The following MYO5B variants were observed in gnomAD, a reference collection of about 807,000 sequenced individuals.
MYO5B encodes myosin VB.
MYO5B carries 143 observed loss-of-function variants against 229.3 expected under a neutral mutation model. The observed-to-expected ratio is 0.62, with a 90% CI of 0.54 to 0.72. MYO5B has a LOEUF of 0.72. Ranked by LOEUF, MYO5B falls within the 30% of genes least tolerant of loss-of-function variation. MYO5B has a pLI of 0.00. For missense variants in MYO5B, 2,321 were observed against 2,331.0 expected, an observed-to-expected ratio of 1.00 and a Z score of 0.09; for synonymous variants, 918 against 885.2, an observed-to-expected ratio of 1.04 and a Z score of -0.66.
intron 2 of MYO5B, among the ~76,000 whole-genome samples, chr18:50,042,993 A>T (rs1297055562): frequency 6.6e-6 from 1 of 152,088 alleles, no homozygotes; most frequent in Non-Finnish European, 1.5e-5. Context: ...AAGGATGTAA[A>T]CTAATACAAC....
chr18:49,963,121 C>G, intron 10 of MYO5B, 91 bp from the exon 11 acceptor site: 1 of 964,220 alleles, frequency 1.0e-6, no homozygotes, highest in Non-Finnish European at 1.7e-6. Context: ...CAGGTCTCCC[C>G]CGATGCCACT....
At chr18:49,931,142 C>T (rs769985088) in intron 16 of MYO5B, among the ~76,000 whole-genome samples, 4 of 152,204 alleles carry the variant, frequency 2.6e-5, no homozygotes, top group African/African-American at 4.8e-5. Flanking sequence ...CACTCTGGGA[C>T]ATGGTGCTTG....
intron 1 of MYO5B, among the ~76,000 whole-genome samples, chr18:50,092,884 G>A (rs944703266): frequency 6.6e-6 from 1 of 152,110 alleles, no homozygotes; most frequent in African/African-American, 2.4e-5. Context: ...CCTTAAGCAT[G>A]CTATAAAATT....
At chr18:49,938,410 T>C (rs1416870174) in intron 14 of MYO5B, among the ~76,000 whole-genome samples, 2 of 151,854 alleles carry the variant, frequency 1.3e-5, no homozygotes, top group African/African-American at 4.8e-5. Context: ...TAGAATAAAG[T>C]ATTACAAGGC....
chr18:50,007,376 C>T lies in MYO5B; in HGVS notation c.456-5965G>A, dbSNP rs188203383. On this transcript the variant is annotated intron_variant, in intron 4 of 39. Coordinates refer to ENST00000285039, the MANE Select transcript of MYO5B (RefSeq NM_001080467.3). The stretch of plus-strand genomic sequence containing the variant: ...TTCCTTCTCTGTACCTTTTAGTCCA[C>T]ACCATCATCATCTCTGGCATACATT... 9.2e-5 allele frequency among the ~76,000 whole-genome samples: 14 copies of T among 152,320 alleles called. No individual in the cohort carries two copies. In the East Asian group the frequency reaches 1.9e-3, roughly 21 times the overall value.
intron 3 of MYO5B, among the ~76,000 whole-genome samples, chr18:50,038,444 A>G (rs951799603): frequency 6.6e-6 from 1 of 152,250 alleles, no homozygotes; most frequent in Non-Finnish European, 1.5e-5. Flanking sequence ...GCCTGAAAAG[A>G]CCAAAATATA....
chr18:50,194,855 G>A lies in MYO5B; in HGVS notation c.-62C>T. On this transcript the variant is annotated 5_prime_UTR_variant, in exon 1 of 40. Transcript: ENST00000285039. ...GCTGCCCCGCGGCTCTCAGTCCGCGGCTGGCCCGCCTGGCGCCATGTTCCC... is the reference window on the plus strand; with the variant it reads ...GCTGCCCCGCGGCTCTCAGTCCGCGACTGGCCCGCCTGGCGCCATGTTCCC... The A allele has an allele frequency of 2.4e-6, 3 of 1,251,940 alleles. No individual in the cohort carries two copies. Among genetic ancestry groups the A allele is most frequent in the Admixed American group, 4.3e-5 (1 of 23,300 alleles). The allele number at this position is 1,251,940 out of a possible 1,614,324, so 77.6% of individuals were successfully genotyped here.
At chr18:49,896,217 G>A (rs962310328) in intron 21 of MYO5B, among the ~76,000 whole-genome samples, 7 of 152,092 alleles carry the variant, frequency 4.6e-5, no homozygotes, top group African/African-American at 9.7e-5. Context: ...TGACCAGTAC[G>A]GCAATGCACA....
intron 1 of MYO5B, among the ~76,000 whole-genome samples, chr18:50,174,465 G>A (rs11662087): frequency 0.36 from 54,654 of 152,004 alleles, 11,116 homozygotes; most frequent in Non-Finnish European, 0.46. Context: ...ATTTTGCATC[G>A]TGAGTTTGAG....
chr18:50,082,315 G>A (rs1231882936), intron 1 of MYO5B, among the ~76,000 whole-genome samples: 1 of 152,216 alleles, frequency 6.6e-6, no homozygotes, highest in Non-Finnish European at 1.5e-5. Flanking sequence ...AATATTATAA[G>A]CTCAAGTGTG....
At chr18:49,974,290 A>T (rs1168931286) in intron 10 of MYO5B, 60 bp downstream of exon 10, 1 of 1,610,472 alleles carries the variant, frequency 6.2e-7, no homozygotes, top group East Asian at 2.2e-5. Context: ...GCTGGCTGTA[A>T]AGTATGAGCA....
At position 49,839,124 on chromosome 18, in the gene MYO5B, C is replaced by T. The variant is rs1420015741; in HGVS notation, c.4852+20G>A. ...TCAGACACCATGATGAGTGATGTAG[C>T]TCTCCTGCTGCCAGCTTACCTATCA... On this transcript the variant is annotated intron_variant, in intron 36 of 39. Transcript: ENST00000285039. 2 of 1,612,404 alleles carry T rather than the reference C, an allele frequency of 1.2e-6. No homozygotes were observed. The highest frequency in any genetic ancestry group is 2.2e-5 in the South Asian group (2 of 91,012).
At position 50,171,648 on chromosome 18, in the gene MYO5B, G is replaced by A. The variant is rs1249240699; in HGVS notation, c.27+23119C>T. ...GAACAGAAGGGCATTTCTATCTCAT[G>A]TGACAAGAAGTCCAGAGTTCTGGTG... On this transcript the variant is annotated intron_variant, in intron 1 of 39. Coordinates refer to ENST00000285039, the MANE Select transcript of MYO5B (RefSeq NM_001080467.3). Among the ~76,000 whole-genome samples the A allele has an allele frequency of 2.3e-5, 3 of 128,434 alleles. 1 individual carries two copies. The highest frequency in any genetic ancestry group is 5.9e-5 in the African/African-American group (2 of 33,972). 84.3% of individuals were successfully genotyped at this position (128,434 alleles called of 152,430 possible). A position where few individuals can be genotyped will look rare whatever the true frequency, so the allele number is the denominator to read the frequency against.
chr18:49,826,940 C>T (rs1296128285), intron 39 of MYO5B, among the ~76,000 whole-genome samples: 2 of 148,980 alleles, frequency 1.3e-5, no homozygotes, highest in Non-Finnish European at 3.0e-5. Flanking sequence ...GTGAAGTGGC[C>T]AAGGGCATGG....
intron 1 of MYO5B, among the ~76,000 whole-genome samples, chr18:50,111,784 A>C (rs1056044406): frequency 6.6e-6 from 1 of 152,238 alleles, no homozygotes; most frequent in African/African-American, 2.4e-5. Context: ...TGGAATTTCT[A>C]AGTCTTAGCC....
At chr18:49,992,822 G>A (rs749612652) in intron 5 of MYO5B, among the ~76,000 whole-genome samples, 1 of 152,128 alleles carries the variant, frequency 6.6e-6, no homozygotes, top group Non-Finnish European at 1.5e-5. Context: ...CCTTAGCTGT[G>A]ACATTCTTGA....
intron 23 of MYO5B, among the ~76,000 whole-genome samples, chr18:49,880,134 C>T (rs564001207): frequency 6.6e-6 from 1 of 152,330 alleles, no homozygotes; most frequent in African/African-American, 2.4e-5. Context: ...GCGGGCCTCC[C>T]TGACTCCAAG....
intron 21 of MYO5B, among the ~76,000 whole-genome samples, chr18:49,896,278 C>T (rs77829362): frequency 1.1e-4 from 16 of 152,280 alleles, no homozygotes; most frequent in East Asian, 5.8e-4. Flanking sequence ...ACATGCTACC[C>T]GCTCCCCAGC....
At chr18:49,882,809 G>A (rs1942326) in intron 22 of MYO5B, among the ~76,000 whole-genome samples, 91,108 of 151,432 alleles carry the variant, frequency 0.6, 27,420 homozygotes, top group Middle Eastern at 0.67. Flanking sequence ...CCACTCCACC[G>A]CTTACCAAAA....
Sources: gnomAD v4.1 joint callset for allele counts (sites outside exome capture counted in the v4.1 genomes callset) on GRCh38, gnomAD v4.1.1 for gene constraint, MANE v1.5 for transcripts, NCBI Gene and HGNC (gene_info 2026-07-23, HGNC 2026-07-21) for gene names.